Variants in S100Z observed in about 807,000 individuals in gnomAD.
S100Z encodes S100 calcium binding protein Z, also known as protein S100-Z.
Under a neutral mutation model 8.5 loss-of-function variants are expected in S100Z, and 11 were observed. The ratio of observed to expected loss-of-function variants is 1.30; its 90% CI spans 0.82 to 2.15. The LOEUF (loss-of-function observed/expected upper bound fraction) is 2.15. S100Z is among the 30% of genes most tolerant of loss of function. The probability of loss-of-function intolerance (pLI) is 0.00; values close to 1 mark genes in which losing one functional copy is unlikely to be tolerated. For synonymous variants in S100Z, 34 were observed against 43.8 expected (o/e 0.78, Z 0.89); for missense variants, 126 against 117.9 (o/e 1.07, Z -0.32).
chr5:76,916,194 G>A (rs1744850338), intron 4 of S100Z, among the ~76,000 whole-genome samples: 1 of 150,854 alleles, frequency 6.6e-6, no homozygotes, highest in Non-Finnish European at 1.5e-5. Flanking sequence ...CAGAGATGGT[G>A]AAGTACATTA....
chr5:76,908,245 G>C (rs192562421), intron 4 of S100Z, among the ~76,000 whole-genome samples: 68 of 152,312 alleles, frequency 4.5e-4, no homozygotes, highest in African/African-American at 1.6e-3. Context: ...CTGAGCCAAG[G>C]GTCAACGGAG....
chr5:76,921,248 A>G lies in S100Z; in HGVS notation c.*534A>G, dbSNP rs111804925. On this transcript the variant is annotated 3_prime_UTR_variant, in exon 5 of 5. Transcript: ENST00000317593. Reference sequence around the variant, plus strand: ...GTATTATTATTTTTGTCTGAATAGTATTTTCATTGATATATCACAATATAT... The same window carrying G: ...GTATTATTATTTTTGTCTGAATAGTGTTTTCATTGATATATCACAATATAT... The G allele has an allele frequency of 6.6e-6, 1 of 152,088 alleles. No individual in the cohort carries two copies. Among genetic ancestry groups the G allele is most frequent in the South Asian group, 2.1e-4 (1 of 4,826 alleles). 9.4% of individuals were successfully genotyped at this position (152,088 alleles called of 1,614,324 possible). A position where few individuals can be genotyped will look rare whatever the true frequency, so the allele number is the denominator to read the frequency against.
the S100Z span, among the ~76,000 whole-genome samples, chr5:76,942,569 G>C: frequency 3.3e-5 from 5 of 152,132 alleles, no homozygotes; most frequent in East Asian, 1.9e-4. Context: ...AAAGGAGCAG[G>C]GTTTATTGAT....
chr5:76,944,296 T>C, the S100Z span, among the ~76,000 whole-genome samples: 2 of 152,312 alleles, frequency 1.3e-5, no homozygotes, highest in South Asian at 4.1e-4. Flanking sequence ...AAATAAAAGC[T>C]CCTTTATTCA....
chr5:76,904,698 C>G (rs1288235327), intron 4 of S100Z, among the ~76,000 whole-genome samples: 1 of 151,616 alleles, frequency 6.6e-6, no homozygotes, highest in Non-Finnish European at 1.5e-5. Flanking sequence ...ACCACCATGC[C>G]TGGCTAATTA....
chr5:76,922,689 A>C (rs2681669), downstream of S100Z, among the ~76,000 whole-genome samples: 45,025 of 151,898 alleles, frequency 0.3, 7,553 homozygotes, highest in South Asian at 0.61. Flanking sequence ...ACGCCCGGCT[A>C]ATTTTTTGTA....
intron 4 of S100Z, among the ~76,000 whole-genome samples, chr5:76,915,459 T>A (rs1414810952): frequency 1.3e-5 from 2 of 150,678 alleles, no homozygotes; most frequent in African/African-American, 4.9e-5. Flanking sequence ...ACAAAAAAAA[T>A]TAGCCAGGCA....
the S100Z span, among the ~76,000 whole-genome samples, chr5:76,929,642 AC>A: frequency 6.6e-6 from 1 of 152,148 alleles, no homozygotes; most frequent in African/African-American, 2.4e-5. Context: ...ATTATGGTTA[AC>A]CTGAATGTGT....
At chr5:76,922,975 A>G (rs1745074605), downstream of S100Z, among the ~76,000 whole-genome samples, 1 of 151,640 alleles carries the variant, frequency 6.6e-6, no homozygotes, top group African/African-American at 2.4e-5. Flanking sequence ...TTCAGAAGAC[A>G]AAGGGGAAGT....
intron 4 of S100Z, among the ~76,000 whole-genome samples, chr5:76,891,024 G>A (rs865945927): frequency 1.4e-4 from 22 of 152,132 alleles, no homozygotes; most frequent in African/African-American, 4.8e-4. Context: ...ACCACGCCTG[G>A]CTAATTTTTG....
intron 4 of S100Z, among the ~76,000 whole-genome samples, chr5:76,900,856 T>C (rs1580050720): frequency 6.6e-6 from 1 of 152,206 alleles, no homozygotes; most frequent in South Asian, 2.1e-4. Flanking sequence ...CTGGGCTTAT[T>C]TGCAGCCATC....
At chr5:76,908,776 C>T (rs904102399) in intron 4 of S100Z, among the ~76,000 whole-genome samples, 2 of 152,096 alleles carry the variant, frequency 1.3e-5, no homozygotes, top group African/African-American at 4.8e-5. Context: ...AGGGTATGGC[C>T]CTTCACTTCA....
At chr5:76,937,739 C>G in the S100Z span, among the ~76,000 whole-genome samples, 11 of 128,172 alleles carry the variant, frequency 8.6e-5, no homozygotes, top group South Asian at 2.5e-3. Flanking sequence ...GGCAACAATG[C>G]AAGACCCTGT....
Position 76,875,355 on chromosome 5 carries a change from C to T in S100Z, c.-5C>T, listed in dbSNP as rs371608299. On this transcript the variant is annotated 5_prime_UTR_variant, in exon 3 of 5. Coordinates refer to ENST00000317593, the MANE Select transcript of S100Z (RefSeq NM_130772.4). ...GCTTCTGGAGTGGTCAGTTCTGCTG[C>T]CGACATGCCCACCCAGCTCGAGATG... 199 of 1,609,000 alleles carry T rather than the reference C, an allele frequency of 1.2e-4. No homozygotes were observed. The highest frequency in any genetic ancestry group is 1.6e-4 in the Non-Finnish European group (189 of 1,177,618).
chr5:76,866,736 G>A (rs1362829666), intron 1 of S100Z, among the ~76,000 whole-genome samples: 1 of 152,138 alleles, frequency 6.6e-6, no homozygotes, highest in Non-Finnish European at 1.5e-5. Context: ...GTGTGTAGTG[G>A]GCTGTACCAT....
At chr5:76,861,987 C>CA (rs764987372) in intron 1 of S100Z, among the ~76,000 whole-genome samples, 7 of 152,068 alleles carry the variant, frequency 4.6e-5, no homozygotes, top group Non-Finnish European at 7.4e-5. Flanking sequence ...CTGACTGCAG[C>CA]AGTGACACAA....
chr5:76,911,917 G>A (rs959589593), intron 4 of S100Z, among the ~76,000 whole-genome samples: 1 of 152,178 alleles, frequency 6.6e-6, no homozygotes, highest in South Asian at 2.1e-4. Flanking sequence ...GATACAGAGG[G>A]ATAGCCAGGC....
At chr5:76,952,396 G>A in the S100Z span, among the ~76,000 whole-genome samples, 2 of 152,220 alleles carry the variant, frequency 1.3e-5, no homozygotes, top group African/African-American at 4.8e-5. Flanking sequence ...AAATCCAGAA[G>A]TCCCCTGACA....
chr5:76,930,459 C>T, the S100Z span, among the ~76,000 whole-genome samples: 1 of 152,176 alleles, frequency 6.6e-6, no homozygotes, highest in African/African-American at 2.4e-5. Context: ...AAAATCCAAT[C>T]TTATTTAATT....
Sources: allele counts gnomAD v4.1 joint callset (sites outside exome capture counted in the v4.1 genomes callset), GRCh38; gene constraint gnomAD v4.1.1; transcripts MANE v1.5; gene names NCBI Gene and HGNC (gene_info 2026-07-23, HGNC 2026-07-21).